The following DPP6 variants were observed in gnomAD, a reference collection of about 807,000 sequenced individuals.
DPP6 encodes the protein dipeptidyl peptidase like 6.
DPP6 carries 69 observed loss-of-function variants against 122.6 expected under a neutral mutation model. The ratio of observed to expected loss-of-function variants is 0.56; its 90% CI spans 0.46 to 0.69. DPP6 has a LOEUF of 0.69. Ranked by LOEUF, DPP6 falls within the 30% of genes least tolerant of loss-of-function variation. DPP6 has a pLI of 0.00. For synonymous variants in DPP6, 418 were observed against 433.1 expected (o/e 0.97, Z 0.43); for missense variants, 928 against 1,116.9 (o/e 0.83, Z 2.41).
chr7:154,863,257 A>G lies in DPP6; in HGVS notation c.1715-4738A>G, dbSNP rs1803570627. Among the ~76,000 whole-genome samples, 2 of 151,882 alleles carry G rather than the reference A, an allele frequency of 1.3e-5. No homozygotes were observed. The highest frequency in any genetic ancestry group is 1.3e-4 in the Admixed American group (2 of 15,258). On this transcript the variant is annotated intron_variant, in intron 17 of 25. Transcript: ENST00000377770. This position sits in a 1 kb window ranked among gnomAD's most constrained non-coding sequence, Gnocchi z 4.1. The stretch of plus-strand genomic sequence containing the variant: ...AAAGCATGTCTCTGTTGATCACTGC[A>G]TGTATATGTGGAGGGAAGGACAATA...
intron 1 of DPP6, among the ~76,000 whole-genome samples, chr7:154,397,599 CCACTTCATGCTGTTAA>C (rs1815201475): frequency 6.6e-6 from 1 of 152,314 alleles, no homozygotes; most frequent in Admixed American, 6.5e-5. Flanking sequence ...TCATATGCCT[CCACTTCATGCTGTTAA>C]CACTTCATGC....
At chr7:154,827,759 G>T in intron 16 of DPP6, among the ~76,000 whole-genome samples, 1 of 140,898 alleles carries the variant, frequency 7.1e-6, no homozygotes, top group Non-Finnish European at 1.5e-5. Flanking sequence ...CAAGTGGAGT[G>T]AGGAGGGGGT....
chr7:154,064,769 G>T (rs535137441), intron 1 of DPP6, among the ~76,000 whole-genome samples: 6 of 152,142 alleles, frequency 3.9e-5, no homozygotes, highest in South Asian at 2.1e-4. Flanking sequence ...CTCTCCCAGG[G>T]TCTACATGTG....
At chr7:154,804,022 A>G (rs1798542010) in intron 14 of DPP6, 67 bp downstream of exon 14, 6 of 1,564,736 alleles carry the variant, frequency 3.8e-6, no homozygotes, top group Non-Finnish European at 5.2e-6. Flanking sequence ...TTTTTTGTCA[A>G]TTACACTTAT....
chr7:154,678,104 T>A (rs982120037), intron 7 of DPP6, among the ~76,000 whole-genome samples: 1 of 152,152 alleles, frequency 6.6e-6, no homozygotes, highest in African/African-American at 2.4e-5. Context: ...GTGCTCTGTG[T>A]CTAGCTAAAG....
rs1236642988 is a variant in DPP6 at position 154,023,296 on chromosome 7, G to A, written c.51+135562G>A. Among the ~76,000 whole-genome samples, 10 of 133,622 alleles carry A rather than the reference G, an allele frequency of 7.5e-5. No individual in the cohort carries two copies. The Admixed American group carries it at 7.6e-4, about 10-fold the overall frequency. 87.7% of individuals were successfully genotyped at this position (133,622 alleles called of 152,430 possible). The stretch of plus-strand genomic sequence containing the variant: ...AGGTGAATAATACCTCCTACAGCAG[G>A]CTCTGGAAATGTTTCTTGTCTGCAC... On this transcript the variant is annotated intron_variant, in intron 1 of 25. Transcript: ENST00000404039.
rs923466407 is a variant in DPP6, at chr7:154,821,869, C to A, written c.1666+14757C>A. ...TAAGAGATACAGGTCCAAGTTACAG[C>A]CTCTTGTTAATCACCGTCATCCTCC... On this transcript the variant is annotated intron_variant, in intron 16 of 25. Coordinates refer to ENST00000377770, the MANE Select transcript of DPP6 (RefSeq NM_130797.4). This position sits in a 1 kb window ranked among gnomAD's most constrained non-coding sequence, Gnocchi z 4.2. 2.8e-4 allele frequency among the ~76,000 whole-genome samples: 43 copies of A among 151,964 alleles called. No individual in the cohort carries two copies. The highest frequency in any genetic ancestry group is 5.3e-4 in the Non-Finnish European group (36 of 67,992).
chr7:154,534,413 G>T (rs1376594734), intron 3 of DPP6, among the ~76,000 whole-genome samples: 1 of 152,062 alleles, frequency 6.6e-6, no homozygotes, highest in African/African-American at 2.4e-5. Flanking sequence ...TAAATAAAAG[G>T]TACACAGATT....
intron 1 of DPP6, among the ~76,000 whole-genome samples, chr7:153,937,315 C>T (rs909417421): frequency 6.6e-6 from 1 of 152,044 alleles, no homozygotes; most frequent in Non-Finnish European, 1.5e-5. Context: ...ATAAAAGCCT[C>T]AATTCCCTCC....
At chr7:154,581,090 A>C (rs1832035579) in intron 5 of DPP6, among the ~76,000 whole-genome samples, 1 of 152,084 alleles carries the variant, frequency 6.6e-6, no homozygotes, top group African/African-American at 2.4e-5. Context: ...ATAAGAGCCC[A>C]GGTTGGCCAG....
intron 5 of DPP6, among the ~76,000 whole-genome samples, chr7:154,622,789 C>T (rs1834779892): frequency 6.6e-6 from 1 of 152,152 alleles, no homozygotes; most frequent in African/African-American, 2.4e-5. Flanking sequence ...GGACCACGGT[C>T]CCAGCCAGGG....
At chr7:154,304,957 T>C (rs1806160537) in intron 1 of DPP6, among the ~76,000 whole-genome samples, 1 of 152,068 alleles carries the variant, frequency 6.6e-6, no homozygotes, top group African/African-American at 2.4e-5. Context: ...ATGGATGCGG[T>C]GACCGAGGCT....
chr7:154,757,661 G>A (rs1795219161), intron 8 of DPP6, among the ~76,000 whole-genome samples: 1 of 152,192 alleles, frequency 6.6e-6, no homozygotes, highest in Admixed American at 6.5e-5. Context: ...TGAAGACAGT[G>A]TCCTGGCCTC....
intron 4 of DPP6, among the ~76,000 whole-genome samples, chr7:154,560,675 G>A (rs754099539): frequency 1.3e-5 from 2 of 152,176 alleles, no homozygotes; most frequent in Non-Finnish European, 2.9e-5. Context: ...CCTGAGGTCA[G>A]AGTTCGAGAC....
chr7:153,838,188 C>G, the DPP6 span, among the ~76,000 whole-genome samples: 1 of 152,100 alleles, frequency 6.6e-6, no homozygotes, highest in Non-Finnish European at 1.5e-5. Context: ...GGACCAGAAC[C>G]AGGAATCCCA....
At chr7:153,860,019 T>C in the DPP6 span, among the ~76,000 whole-genome samples, 1 of 152,168 alleles carries the variant, frequency 6.6e-6, no homozygotes, top group African/African-American at 2.4e-5. Flanking sequence ...TAAGGTTCGC[T>C]TAACTAATGT....
In DPP6 at chr7:154,403,298, C is replaced by T. The variant is rs896686923; in HGVS notation, c.244-42916C>T. Among the ~76,000 whole-genome samples, 2 of 152,136 alleles carry T rather than the reference C, an allele frequency of 1.3e-5. No individual in the cohort carries two copies. Among genetic ancestry groups the T allele is most frequent in the African/African-American group, 4.8e-5 (2 of 41,432 alleles). On this transcript the variant is annotated intron_variant, in intron 1 of 25. Coordinates refer to ENST00000377770, the MANE Select transcript of DPP6 (RefSeq NM_130797.4). This position sits in a 1 kb window ranked among gnomAD's most constrained non-coding sequence, Gnocchi z 4.1. ...CAGGAGGTTGCTGTGTGATAGAGTGCGGGGGAATCAGGACACCGCCCACCG... is the reference window on the plus strand; with the variant it reads ...CAGGAGGTTGCTGTGTGATAGAGTGTGGGGGAATCAGGACACCGCCCACCG...
intron 1 of DPP6, among the ~76,000 whole-genome samples, chr7:154,257,937 A>T (rs1200916448): frequency 6.6e-6 from 1 of 152,164 alleles, no homozygotes; most frequent in East Asian, 1.9e-4. Flanking sequence ...TGTTTTCTTG[A>T]ATCTTAGCTT....
intron 1 of DPP6, among the ~76,000 whole-genome samples, chr7:154,127,331 T>C (rs1338288786): frequency 6.6e-6 from 1 of 152,122 alleles, no homozygotes; most frequent in Admixed American, 6.5e-5. Context: ...CAAGAATACA[T>C]TGCATTTGTT....
Sources: allele counts gnomAD v4.1 joint callset (sites outside exome capture counted in the v4.1 genomes callset), GRCh38; gene constraint gnomAD v4.1.1; non-coding constraint Gnocchi (gnomAD v3.1); transcripts MANE v1.5; gene names NCBI Gene and HGNC (gene_info 2026-07-23, HGNC 2026-07-21).